MAP1B: variants seen among roughly 807,000 people sequenced by gnomAD.
MAP1B encodes the protein microtubule associated protein 1B, also known as microtubule-associated protein 1B.
Under a neutral mutation model 176.1 loss-of-function variants are expected in MAP1B, and 12 were observed. The ratio of observed to expected loss-of-function variants is 0.07; its 90% CI spans 0.04 to 0.11. MAP1B has a LOEUF of 0.11. Among genes scored for constraint, MAP1B ranks in the 10% least tolerant of loss-of-function variants. The pLI is 1.00. For synonymous variants in MAP1B, 1,044 were observed against 1,135.0 expected (o/e 0.92, Z 1.61); for missense variants, 2,523 against 2,990.5 (o/e 0.84, Z 3.65).
chr5:72,202,102 T>C (rs756855129), intron 5 of MAP1B, among the ~76,000 whole-genome samples: 22 of 152,248 alleles, frequency 1.4e-4, no homozygotes, highest in Non-Finnish European at 2.4e-4. Context: ...TTTTCATTTA[T>C]TTTGGAGATG....
At chr5:72,163,970 G>A (rs1311485279) in intron 2 of MAP1B, among the ~76,000 whole-genome samples, 2 of 95,168 alleles carry the variant, frequency 2.1e-5, no homozygotes, top group African/African-American at 8.5e-5. Context: ...GTCTTGCTCT[G>A]TCACCCAGAC....
At chr5:72,151,670 G>C (rs1746142754) in intron 2 of MAP1B, among the ~76,000 whole-genome samples, 1 of 152,074 alleles carries the variant, frequency 6.6e-6, no homozygotes, top group South Asian at 2.1e-4. Context: ...ATTTTTTAGA[G>C]GGTTTTAAAG....
rs374667844 is a variant in MAP1B at position 72,107,570 on chromosome 5, G to A, written c.39G>A (p.Pro13=). ...TVVVEATEPE[P]SGSIANPAAS... ...TGGTGGAAGCCACCGAGCCGGAGCC[G>A]TCCGGCAGCATCGCCAACCCGGCGG... The change falls in exon 1 of 7, where the codon CCG becomes CCA. Residue 13 remains proline (P), a synonymous_variant. Coordinates refer to ENST00000296755, the MANE Select transcript of MAP1B (RefSeq NM_005909.5). 2.5e-6 allele frequency: 4 copies of A among 1,587,442 alleles called. No individual in the cohort carries two copies. Among genetic ancestry groups the A allele is most frequent in the African/African-American group, 2.7e-5 (2 of 74,614 alleles).
chr5:72,138,485 C>T (rs1368772189), intron 2 of MAP1B, among the ~76,000 whole-genome samples: 1 of 152,084 alleles, frequency 6.6e-6, no homozygotes, highest in Admixed American at 6.5e-5. Context: ...TAGAAATGCT[C>T]ACGTACTTCA....
intron 2 of MAP1B, among the ~76,000 whole-genome samples, chr5:72,147,699 G>A (rs1000978056): frequency 1.3e-5 from 2 of 152,208 alleles, no homozygotes; most frequent in South Asian, 4.1e-4. Context: ...CAGACAGAAG[G>A]TGAGTGGTGT....
At chr5:72,188,091 T>C (rs1215907928) in intron 4 of MAP1B, among the ~76,000 whole-genome samples, 1 of 152,230 alleles carries the variant, frequency 6.6e-6, no homozygotes, top group African/African-American at 2.4e-5. Flanking sequence ...TTCATCTCGG[T>C]ATCCATTGCA....
Position 72,186,849 on chromosome 5 carries a change from G to A in MAP1B, c.510+95G>A. 2.8e-6 allele frequency: 4 copies of A among 1,438,764 alleles called. No homozygotes were observed. Among genetic ancestry groups the A allele is most frequent in the Non-Finnish European group, 3.8e-6 (4 of 1,040,506 alleles). The allele number at this position is 1,438,764 out of a possible 1,614,324, so 89.1% of individuals were successfully genotyped here. On this transcript the variant is annotated intron_variant, in intron 4 of 6. Transcript: ENST00000296755. The surrounding 1 kb of genome is among the most constrained non-coding windows in gnomAD (Gnocchi z 4.3). ...TGGGGGAGACAAAAGAAGAAGGGAG[G>A]GAACCTCACAGCTCTCCTGAAATAA...
intron 1 of MAP1B, among the ~76,000 whole-genome samples, chr5:72,108,740 C>T (rs1304150362): frequency 1.3e-5 from 2 of 152,098 alleles, no homozygotes; most frequent in Admixed American, 6.5e-5. Context: ...GCGCTCCGCC[C>T]GGGCCTCGGG....
At chr5:72,154,722 G>T (rs930244388) in intron 2 of MAP1B, among the ~76,000 whole-genome samples, 11 of 152,298 alleles carry the variant, frequency 7.2e-5, no homozygotes, top group Admixed American at 6.5e-4. Flanking sequence ...TGTCTTGTTT[G>T]CTGGGGCCTC....
rs138730185 is a variant in MAP1B at position 72,161,943 on chromosome 5, C to T, written c.287-21800C>T. On this transcript the variant is annotated intron_variant, in intron 2 of 6. Coordinates refer to ENST00000296755, the MANE Select transcript of MAP1B (RefSeq NM_005909.5). ...CTACACTACAGCCTGGGTGACAAAG[C>T]GAAATTCCGTCTCAAAAAAAAAAAA... Among the ~76,000 whole-genome samples the T allele has an allele frequency of 6.8e-3, 708 of 104,876 alleles. 13 individuals carry two copies. The highest frequency in any genetic ancestry group is 0.028 in the African/African-American group (679 of 24,414). 68.8% of individuals were successfully genotyped at this position (104,876 alleles called of 152,430 possible).
At chr5:72,119,004 A>G (rs1033512737) in intron 2 of MAP1B, among the ~76,000 whole-genome samples, 1 of 152,196 alleles carries the variant, frequency 6.6e-6, no homozygotes, top group Non-Finnish European at 1.5e-5. Flanking sequence ...TAGTTTTTAA[A>G]TATGGTTTTG....
chr5:72,182,783 T>C (rs563579439), intron 2 of MAP1B, among the ~76,000 whole-genome samples: 1 of 152,316 alleles, frequency 6.6e-6, no homozygotes, highest in South Asian at 2.1e-4. Context: ...TGTTTGTGTC[T>C]ACCCTCCCAA....
chr5:72,179,660 C>T, intron 2 of MAP1B: 1 of 985,526 alleles, frequency 1.0e-6, no homozygotes, highest in Non-Finnish European at 1.2e-6. Context: ...CAGGTTACGT[C>T]GTCCCCAGAA....
At chr5:72,154,155 C>T (rs1029381167) in intron 2 of MAP1B, among the ~76,000 whole-genome samples, 1 of 152,140 alleles carries the variant, frequency 6.6e-6, no homozygotes, top group Non-Finnish European at 1.5e-5. Flanking sequence ...TTATTCCTAG[C>T]TCATTCTCGT....
In MAP1B at chr5:72,204,100, T is replaced by C. The variant is rs1237788900; in HGVS notation, c.7251+299T>C. Among the ~76,000 whole-genome samples the C allele has an allele frequency of 2.0e-5, 3 of 152,226 alleles. No individual in the cohort carries two copies. Among genetic ancestry groups the C allele is most frequent in the African/African-American group, 7.2e-5 (3 of 41,454 alleles). The stretch of plus-strand genomic sequence containing the variant: ...AAGATTAATTGCCCTTCCTCCAGTA[T>C]GCCAAGAGTCTTGTGTGTGTGAATC... On this transcript the variant is annotated intron_variant, in intron 6 of 6. Transcript: ENST00000296755. This position sits in a 1 kb window ranked among gnomAD's most constrained non-coding sequence, Gnocchi z 4.4.
intron 2 of MAP1B, among the ~76,000 whole-genome samples, chr5:72,167,022 T>TC (rs1746446063): frequency 6.6e-6 from 1 of 151,680 alleles, no homozygotes; most frequent in African/African-American, 2.4e-5. Flanking sequence ...CCTTCTTTTT[T>TC]TTTTTTTTTT....
At chr5:72,128,765 T>G (rs538570015) in intron 2 of MAP1B, among the ~76,000 whole-genome samples, 7 of 152,220 alleles carry the variant, frequency 4.6e-5, no homozygotes, top group Non-Finnish European at 1.0e-4. Flanking sequence ...CTCAGCTTCC[T>G]AAGTAGCTAG....
intron 2 of MAP1B, among the ~76,000 whole-genome samples, chr5:72,124,596 T>G (rs188188393): frequency 6.6e-6 from 1 of 152,348 alleles, no homozygotes; most frequent in East Asian, 1.9e-4. Flanking sequence ...ATTGCTGCCT[T>G]GCATTCCTGA....
intron 2 of MAP1B, among the ~76,000 whole-genome samples, chr5:72,181,842 A>G (rs140694520): frequency 0.012 from 1,745 of 151,430 alleles, 38 homozygotes; most frequent in African/African-American, 0.041. Flanking sequence ...CTCTTGTCTC[A>G]GCCTCCCAAG....
Sources: gnomAD v4.1 joint callset for allele counts (sites outside exome capture counted in the v4.1 genomes callset) on GRCh38, gnomAD v4.1.1 for gene constraint, Gnocchi (gnomAD v3.1) non-coding constraint, MANE v1.5 for transcripts, NCBI Gene and HGNC (gene_info 2026-07-23, HGNC 2026-07-21) for gene names.